The following SAMD5 variants were observed in gnomAD, a reference collection of about 807,000 sequenced individuals.
SAMD5 encodes the protein sterile alpha motif domain-containing protein 5.
A neutral mutation model predicts 11.3 loss-of-function variants in SAMD5; 13 were observed. The observed-to-expected ratio is 1.15, with a 90% confidence interval of 0.75 to 1.83. SAMD5 has a LOEUF of 1.83. SAMD5 is among the 40% of genes most tolerant of loss of function. SAMD5 has a pLI of 0.00. For missense variants in SAMD5, 255 were observed against 239.1 expected, an observed-to-expected ratio of 1.07 and a Z score of -0.44; for synonymous variants, 129 against 111.3, an observed-to-expected ratio of 1.16 and a Z score of -1.00.
chr6:147,515,210 T>C (rs1427878207), intron 1 of SAMD5, among the ~76,000 whole-genome samples: 1 of 115,312 alleles, frequency 8.7e-6, no homozygotes, highest in Non-Finnish European at 1.7e-5. Context: ...TTTTTTTTGC[T>C]TTCAGTGCCT....
At chr6:147,518,037 C>G (rs1194410585) in intron 1 of SAMD5, among the ~76,000 whole-genome samples, 1 of 152,062 alleles carries the variant, frequency 6.6e-6, no homozygotes. Context: ...AGTCAATTCC[C>G]CATGTATTTG....
At chr6:147,829,149 G>A in the SAMD5 span, among the ~76,000 whole-genome samples, 6 of 152,208 alleles carry the variant, frequency 3.9e-5, no homozygotes, top group Admixed American at 3.9e-4. Context: ...TTTAACATAG[G>A]AAGTAGTTTG....
At chr6:147,535,084 C>T (rs988244939) in intron 1 of SAMD5, among the ~76,000 whole-genome samples, 7 of 152,124 alleles carry the variant, frequency 4.6e-5, no homozygotes, top group Admixed American at 3.3e-4. Flanking sequence ...CAATCCCTTC[C>T]TTTGGGTTTT....
the SAMD5 span, among the ~76,000 whole-genome samples, chr6:147,743,800 G>A: frequency 2.0e-5 from 3 of 152,258 alleles, 1 homozygote; most frequent in East Asian, 5.8e-4. Flanking sequence ...CTTAGTAAAT[G>A]TTAATTCATA....
the SAMD5 span, among the ~76,000 whole-genome samples, chr6:147,896,737 C>CCAAAAAAAAAAAAAAAAAA: frequency 1.5e-4 from 6 of 40,652 alleles, no homozygotes; most frequent in African/African-American, 9.6e-4. Flanking sequence ...AGAACATTAA[C>CCAAAAAAAAAAAAAAAAAA]CAAAAAAAAA....
At chr6:147,649,400 T>G (rs1790450411) in intron 1 of SAMD5, among the ~76,000 whole-genome samples, 1 of 152,172 alleles carries the variant, frequency 6.6e-6, no homozygotes, top group African/African-American at 2.4e-5. Flanking sequence ...TCTAGAAAAT[T>G]CACATGAAAT....
chr6:147,583,842 C>CACAA (rs1404993117), intron 1 of SAMD5, among the ~76,000 whole-genome samples: 1 of 151,642 alleles, frequency 6.6e-6, no homozygotes, highest in Non-Finnish European at 1.5e-5. Flanking sequence ...CACACACACA[C>CACAA]AAAATGGCTA....
At chr6:147,654,779 C>CAAAAA (rs5880724) in intron 1 of SAMD5, among the ~76,000 whole-genome samples, 1 of 147,292 alleles carries the variant, frequency 6.8e-6, no homozygotes, top group East Asian at 2.0e-4. Context: ...ATCTTTTTCT[C>CAAAAA]AAAAAAAAAA....
chr6:147,705,503 A>G (rs1178406648), intron 1 of SAMD5, among the ~76,000 whole-genome samples: 1 of 152,360 alleles, frequency 6.6e-6, no homozygotes, highest in Non-Finnish European at 1.5e-5. Flanking sequence ...GATACAAAAG[A>G]AACTTCAGAT....
chr6:147,816,310 A>G, the SAMD5 span, among the ~76,000 whole-genome samples: 1 of 127,570 alleles, frequency 7.8e-6, no homozygotes, highest in African/African-American at 3.3e-5. Flanking sequence ...AAATATATAT[A>G]TATATATATA....
intron 1 of SAMD5, among the ~76,000 whole-genome samples, chr6:147,702,827 G>GTGTT (rs1348518281): frequency 2.0e-5 from 3 of 151,966 alleles, no homozygotes; most frequent in Non-Finnish European, 4.4e-5. Context: ...ATGTGTGTGT[G>GTGTT]TGTGTGTGTG....
the SAMD5 span, among the ~76,000 whole-genome samples, chr6:147,804,058 G>T: frequency 0.012 from 1,857 of 151,282 alleles, 49 homozygotes; most frequent in African/African-American, 0.042. Context: ...GCCACAGCAT[G>T]TTGGCCATGG....
chr6:147,553,827 A>C (rs796525036), intron 1 of SAMD5, among the ~76,000 whole-genome samples: 1 of 151,748 alleles, frequency 6.6e-6, no homozygotes, highest in Non-Finnish European at 1.5e-5. Context: ...AAGCCACATC[A>C]CAGCATGTTT....
intron 1 of SAMD5, among the ~76,000 whole-genome samples, chr6:147,652,915 TC>T (rs1790512066): frequency 6.6e-6 from 1 of 152,174 alleles, no homozygotes; most frequent in African/African-American, 2.4e-5. Flanking sequence ...TACAGCTGCC[TC>T]CTCTGAGCAT....
chr6:147,951,310 T>C, the SAMD5 span, among the ~76,000 whole-genome samples: 1 of 152,040 alleles, frequency 6.6e-6, no homozygotes, highest in South Asian at 2.1e-4. Context: ...GCCTCCCACG[T>C]AGCTGGGACT....
At chr6:147,896,755 A>AAAAACAAAAAACAAACAAAC in the SAMD5 span, among the ~76,000 whole-genome samples, 41 of 142,460 alleles carry the variant, frequency 2.9e-4, no homozygotes, top group African/African-American at 1.0e-3. Context: ...AAAAAAAAAA[A>AAAAACAAAAAACAAACAAAC]AAAAAAAACG....
chr6:147,518,881 C>T (rs1021295518), intron 1 of SAMD5, among the ~76,000 whole-genome samples: 1 of 152,158 alleles, frequency 6.6e-6, no homozygotes, highest in African/African-American at 2.4e-5. Flanking sequence ...GTGAGGGAGT[C>T]CCCATTTTCA....
the SAMD5 span, among the ~76,000 whole-genome samples, chr6:147,851,081 G>A: frequency 6.6e-6 from 1 of 151,648 alleles, no homozygotes; most frequent in Non-Finnish European, 1.5e-5. Context: ...CAAGTAGCTG[G>A]GATTACAGGC....
intron 1 of SAMD5, among the ~76,000 whole-genome samples, chr6:147,526,034 C>G (rs1222029794): frequency 2.0e-5 from 3 of 151,974 alleles, no homozygotes; most frequent in Admixed American, 1.3e-4. Context: ...ATCAGTGTCA[C>G]CTACAACCAC....
Sources: allele counts gnomAD v4.1 joint callset (sites outside exome capture counted in the v4.1 genomes callset), GRCh38; gene constraint gnomAD v4.1.1; transcripts MANE v1.5; gene names NCBI Gene and HGNC (gene_info 2026-07-23, HGNC 2026-07-21).